Variants in PBOV1 observed in about 807,000 individuals in gnomAD.
PBOV1 encodes the protein prostate and breast cancer overexpressed 1, also known as prostate and breast cancer overexpressed gene 1 protein.
For synonymous variants in PBOV1, 46 were observed against 55.9 expected (o/e 0.82, Z 0.79); for missense variants, 147 against 151.4 (o/e 0.97, Z 0.15).
chr6:138,217,060 A>G lies in PBOV1; in HGVS notation c.*928T>C, dbSNP rs1416319496. ...AGATGGTAAAAATATATGAAAAAGT[A>G]ATGAACAAACATTGAAAGCCTGGAG... On this transcript the variant is annotated 3_prime_UTR_variant, in exon 1 of 1. Transcript: ENST00000527246. 2.0e-5 allele frequency: 3 copies of G among 152,268 alleles called. No homozygotes were observed. The highest frequency in any genetic ancestry group is 4.4e-5 in the Non-Finnish European group (3 of 68,046). 9.4% of individuals were successfully genotyped at this position (152,268 alleles called of 1,614,324 possible). A position where few individuals can be genotyped will look rare whatever the true frequency, so the allele number is the denominator to read the frequency against.
the PBOV1 span, chr6:138,218,227 CT>C: frequency 6.2e-7 from 1 of 1,613,684 alleles, no homozygotes; most frequent in African/African-American, 1.3e-5. Context: ...TTTACTTTTT[CT>C]TTTTTTCGAA....
Position 138,218,477 on chromosome 6 carries a change from G to A in PBOV1, c.-82C>T, listed in dbSNP as rs900271614. The stretch of plus-strand genomic sequence containing the variant: ...TTATTATACATCAATTAGCCACCTC[G>A]ATATATTTAAGGTCCTAACCATCAG... On this transcript the variant is annotated 5_prime_UTR_variant, in exon 1 of 1. Transcript: ENST00000527246. 7.9e-5 allele frequency: 115 copies of A among 1,455,206 alleles called. No individual in the cohort carries two copies. Among genetic ancestry groups the A allele is most frequent in the African/African-American group, 2.9e-4 (20 of 69,744 alleles). 90.1% of individuals were successfully genotyped at this position (1,455,206 alleles called of 1,614,324 possible).
chr6:138,218,432 TAGA>T lies in PBOV1; in HGVS notation c.-40_-38del. 6.7e-7 allele frequency: 1 copy of T among 1,487,910 alleles called. No homozygotes were observed. The highest frequency in any genetic ancestry group is 8.9e-7 in the Non-Finnish European group (1 of 1,120,914). The allele number at this position is 1,487,910 out of a possible 1,614,324, so 92.2% of individuals were successfully genotyped here. A position where few individuals can be genotyped will look rare whatever the true frequency, so the allele number is the denominator to read the frequency against. On this transcript the variant is annotated 5_prime_UTR_variant, in exon 1 of 1. Transcript: ENST00000527246. ...TAAATTGAATTGTAGCTCTGTAGCA[TAGA>T]AGAATAATTTTGTAAATTATTATAC...
rs1777884430 is a variant in PBOV1 at position 138,217,220 on chromosome 6, A to C, written c.*768T>G. 6.6e-6 allele frequency: 1 copy of C among 152,276 alleles called. No individual in the cohort carries two copies. Among genetic ancestry groups the C allele is most frequent in the South Asian group, 2.1e-4 (1 of 4,836 alleles). 9.4% of individuals were successfully genotyped at this position (152,276 alleles called of 1,614,324 possible). ...CAAAATCACTCTACTAAGTGTCTTTAAACTTTTCTCACATAATCTTAATTT... is the reference window on the plus strand; with the variant it reads ...CAAAATCACTCTACTAAGTGTCTTTCAACTTTTCTCACATAATCTTAATTT... On this transcript the variant is annotated 3_prime_UTR_variant, in exon 1 of 1. Transcript: ENST00000527246.
chr6:138,217,267 C>G lies in PBOV1; in HGVS notation c.*721G>C, dbSNP rs987252968. On this transcript the variant is annotated 3_prime_UTR_variant, in exon 1 of 1. Coordinates refer to ENST00000527246, the MANE Select transcript of PBOV1 (RefSeq NM_021635.3). ...ATTTAAGCGCATATAAATGCAGAGG[C>G]CCTCATCACTTACTCTGGATGTTCT... 3 of 152,146 alleles carry G rather than the reference C, an allele frequency of 2.0e-5. No homozygotes were observed. The highest frequency in any genetic ancestry group is 4.4e-5 in the Non-Finnish European group (3 of 68,022). 9.4% of individuals were successfully genotyped at this position (152,146 alleles called of 1,614,324 possible).
Position 138,217,799 on chromosome 6 carries a change from T to C in PBOV1, c.*189A>G, listed in dbSNP as rs1777899160. The C allele has an allele frequency of 1.2e-6, 1 of 815,758 alleles. No individual in the cohort carries two copies. The highest frequency in any genetic ancestry group is 1.7e-5 in the African/African-American group (1 of 57,880). 50.5% of individuals were successfully genotyped at this position (815,758 alleles called of 1,614,324 possible). On this transcript the variant is annotated 3_prime_UTR_variant, in exon 1 of 1. Coordinates refer to ENST00000527246, the MANE Select transcript of PBOV1 (RefSeq NM_021635.3). ...AGATAATAATCTATGAGTTCAAGATTGAGAAAGATCAACATGGGTTTGTAT... is the reference window on the plus strand; with the variant it reads ...AGATAATAATCTATGAGTTCAAGATCGAGAAAGATCAACATGGGTTTGTAT...
At position 138,218,047 on chromosome 6, in the gene PBOV1, G is replaced by A. The variant is rs768752233; in HGVS notation, c.349C>T (p.Leu117=). Residue 117 remains leucine, a synonymous_variant, in exon 1 of 1, where the codon CTA becomes TTA. Coordinates refer to ENST00000527246, the MANE Select transcript of PBOV1 (RefSeq NM_021635.3). ...TAGAGAAGACAGCATTCCAGACCTA[G>A]GGTCTGAGTTAACTGCAAAGTCAAT... ...FTLTLQLTQT[L]GLECCLLYLS... is the part of the protein sequence containing the mutation. 1 of 1,581,686 alleles carries A rather than the reference G, an allele frequency of 6.3e-7. No homozygotes were observed. The highest frequency in any genetic ancestry group is 8.5e-7 in the Non-Finnish European group (1 of 1,170,350).
In PBOV1 at chr6:138,218,051, C is replaced by T; in HGVS notation, c.345G>A (p.Gln115=). The T allele has an allele frequency of 1.2e-6, 2 of 1,613,240 alleles. No individual in the cohort carries two copies. The highest frequency in any genetic ancestry group is 1.7e-6 in the Non-Finnish European group (2 of 1,179,588). Reference sequence around the variant, plus strand: ...GAAGACAGCATTCCAGACCTAGGGTCTGAGTTAACTGCAAAGTCAATGTGA... The same window carrying T: ...GAAGACAGCATTCCAGACCTAGGGTTTGAGTTAACTGCAAAGTCAATGTGA... ...ILFTLTLQLT[Q]TLGLECCLLY... The change falls in exon 1 of 1, where the codon CAG becomes CAA. Residue 115 remains glutamine, a synonymous_variant. Coordinates refer to ENST00000527246, the MANE Select transcript of PBOV1 (RefSeq NM_021635.3).
At position 138,217,769 on chromosome 6, in the gene PBOV1, A is replaced by G. The variant is rs1290066248; in HGVS notation, c.*219T>C. On this transcript the variant is annotated 3_prime_UTR_variant, in exon 1 of 1. Transcript: ENST00000527246. ...AGGATAAATAACAAACTAAATTGAGATAATAGATAATAATCTATGAGTTCA... is the reference window on the plus strand; with the variant it reads ...AGGATAAATAACAAACTAAATTGAGGTAATAGATAATAATCTATGAGTTCA... 8.4e-6 allele frequency: 5 copies of G among 597,036 alleles called. No homozygotes were observed. 37.0% of individuals were successfully genotyped at this position (597,036 alleles called of 1,614,324 possible). A position where few individuals can be genotyped will look rare whatever the true frequency, so the allele number is the denominator to read the frequency against.
In PBOV1 at chr6:138,218,396, A is replaced by G. The variant is rs1777915820; in HGVS notation, c.-1T>C. On this transcript the variant is annotated 5_prime_UTR_variant, in exon 1 of 1. Transcript: ENST00000527246. ...TCTGGTTCCTTAAGAAGGCCCTCAT[A>G]TTTACTACTGTAAATTGAATTGTAG... 6.5e-7 allele frequency: 1 copy of G among 1,531,092 alleles called. No individual in the cohort carries two copies. The highest frequency in any genetic ancestry group is 1.4e-5 in the African/African-American group (1 of 71,878). 94.8% of individuals were successfully genotyped at this position (1,531,092 alleles called of 1,614,324 possible).
At position 138,217,910 on chromosome 6, in the gene PBOV1, T is replaced by G; in HGVS notation, c.*78A>C. 1 of 1,502,838 alleles carries G rather than the reference T, an allele frequency of 6.7e-7. No individual in the cohort carries two copies. The highest frequency in any genetic ancestry group is 8.9e-7 in the Non-Finnish European group (1 of 1,121,584). 93.1% of individuals were successfully genotyped at this position (1,502,838 alleles called of 1,614,324 possible). On this transcript the variant is annotated 3_prime_UTR_variant, in exon 1 of 1. Transcript: ENST00000527246. Reference sequence around the variant, plus strand: ...AATGGTTCAGTTACTTGGCTGGGCTTAAACAGTCATTGGTAGCAGAATTGC... The same window carrying G: ...AATGGTTCAGTTACTTGGCTGGGCTGAAACAGTCATTGGTAGCAGAATTGC...
Position 138,216,580 on chromosome 6 carries a change from G to A in PBOV1, c.*1408C>T, listed in dbSNP as rs935563885. On this transcript the variant is annotated 3_prime_UTR_variant, in exon 1 of 1. Coordinates refer to ENST00000527246, the MANE Select transcript of PBOV1 (RefSeq NM_021635.3). ...GTTTCTTCAGATGGTTAGTTTTGAT[G>A]TTCTTAACTCGGGGCATTTGGTCTT... 1 of 152,192 alleles carries A rather than the reference G, an allele frequency of 6.6e-6. No individual in the cohort carries two copies. Among genetic ancestry groups the A allele is most frequent in the African/African-American group, 2.4e-5 (1 of 41,448 alleles). 9.4% of individuals were successfully genotyped at this position (152,192 alleles called of 1,614,324 possible). A position where few individuals can be genotyped will look rare whatever the true frequency, so the allele number is the denominator to read the frequency against.
chr6:138,218,220 A>G lies in PBOV1; in HGVS notation c.176T>C (p.Val59Ala), dbSNP rs1777910821. The change falls in exon 1 of 1, where the codon GTA (valine) becomes GCA (alanine). Residue 59 changes from valine to alanine, a missense_variant. Val to Ala is a moderately conservative substitution (Grantham distance 64, BLOSUM62 0). Coordinates refer to ENST00000527246, the MANE Select transcript of PBOV1 (RefSeq NM_021635.3). ...CYKVFRKKEK[V>A]KRSQKATEFI... ...CTCTGTTGCCTTTTGACTTCTTTTT[A>G]CTTTTTCTTTTTTTCGAAATACCTT... 6.2e-7 allele frequency: 1 copy of G among 1,613,606 alleles called. No individual in the cohort carries two copies. Among genetic ancestry groups the G allele is most frequent in the African/African-American group, 1.3e-5 (1 of 74,866 alleles).
In PBOV1 at chr6:138,217,125, G is replaced by C. The variant is rs1319632999; in HGVS notation, c.*863C>G. 1 of 152,222 alleles carries C rather than the reference G, an allele frequency of 6.6e-6. No individual in the cohort carries two copies. The highest frequency in any genetic ancestry group is 1.9e-4 in the East Asian group (1 of 5,202). The allele number at this position is 152,222 out of a possible 1,614,324, so 9.4% of individuals were successfully genotyped here. On this transcript the variant is annotated 3_prime_UTR_variant, in exon 1 of 1. Transcript: ENST00000527246. ...TAAATAGTTTATGCATTATTTTTGA[G>C]ATGGAGATTTTCATATTATCTATTA...
Position 138,217,649 on chromosome 6 carries a change from G to A in PBOV1, c.*339C>T, listed in dbSNP as rs1001295795. On this transcript the variant is annotated 3_prime_UTR_variant, in exon 1 of 1. Transcript: ENST00000527246. ...TGTTTTTATCCCTCTGGTGCCTAGC[G>A]GAGCATCTGGCACATGGCTTACTAA... 2.3e-5 allele frequency: 5 copies of A among 216,146 alleles called. No homozygotes were observed. The highest frequency in any genetic ancestry group is 1.2e-4 in the South Asian group (1 of 8,178). The allele number at this position is 216,146 out of a possible 1,614,324, so 13.4% of individuals were successfully genotyped here. A position where few individuals can be genotyped will look rare whatever the true frequency, so the allele number is the denominator to read the frequency against.
chr6:138,217,066 C>T lies in PBOV1; in HGVS notation c.*922G>A, dbSNP rs1467048360. 1 of 152,210 alleles carries T rather than the reference C, an allele frequency of 6.6e-6. No individual in the cohort carries two copies. 9.4% of individuals were successfully genotyped at this position (152,210 alleles called of 1,614,324 possible). A position where few individuals can be genotyped will look rare whatever the true frequency, so the allele number is the denominator to read the frequency against. Reference sequence around the variant, plus strand: ...TAAAAATATATGAAAAAGTAATGAACAAACATTGAAAGCCTGGAGATGTGA... The same window carrying T: ...TAAAAATATATGAAAAAGTAATGAATAAACATTGAAAGCCTGGAGATGTGA... On this transcript the variant is annotated 3_prime_UTR_variant, in exon 1 of 1. Coordinates refer to ENST00000527246, the MANE Select transcript of PBOV1 (RefSeq NM_021635.3).
rs756876603 is a variant in PBOV1 at position 138,218,122 on chromosome 6, C to G, written c.274G>C (p.Gly92Arg). The G allele has an allele frequency of 1.2e-6, 2 of 1,613,792 alleles. No homozygotes were observed. Among genetic ancestry groups the G allele is most frequent in the African/African-American group, 1.3e-5 (1 of 74,900 alleles). ...TPLQTHLTMK[G>R]SSMKCSSLSS... ...AATGAGGAACATTTCATTGAGGAACCTTTCATGGTCAAGTGTGTCTGCAAG... is the reference window on the plus strand; with the variant it reads ...AATGAGGAACATTTCATTGAGGAACGTTTCATGGTCAAGTGTGTCTGCAAG... Residue 92 changes from glycine to arginine, a missense_variant, in exon 1 of 1, where the codon GGT becomes CGT. Physicochemically the swap from Gly to Arg is moderately radical, Grantham distance 125 (BLOSUM62 -2). Transcript: ENST00000527246.
Position 138,218,033 on chromosome 6 carries a change from G to C in PBOV1, c.363C>G (p.Cys121Trp). ...LQLTQTLGLECCLLYLSKTIH... is the reference protein window; with the variant it reads ...LQLTQTLGLEWCLLYLSKTIH... ...TAGTTTTGGATAAGTAGAGAAGACA[G>C]CATTCCAGACCTAGGGTCTGAGTTA... Residue 121 changes from cysteine to tryptophan, a missense_variant, in exon 1 of 1, where the codon TGC (cysteine) becomes TGG (tryptophan). By Grantham distance (215) the Cys-to-Trp change is radical. Transcript: ENST00000527246. 6.2e-7 allele frequency: 1 copy of C among 1,610,998 alleles called. No individual in the cohort carries two copies. Among genetic ancestry groups the C allele is most frequent in the Non-Finnish European group, 8.5e-7 (1 of 1,179,282 alleles).
chr6:138,217,252 A>G lies in PBOV1; in HGVS notation c.*736T>C, dbSNP rs537134724. The G allele has an allele frequency of 2.6e-5, 4 of 152,342 alleles. No homozygotes were observed. In the East Asian group the frequency reaches 7.7e-4, roughly 29 times the overall value. The allele number at this position is 152,342 out of a possible 1,614,324, so 9.4% of individuals were successfully genotyped here. A position where few individuals can be genotyped will look rare whatever the true frequency, so the allele number is the denominator to read the frequency against. The stretch of plus-strand genomic sequence containing the variant: ...TCTCACATAATCTTAATTTAAGCGC[A>G]TATAAATGCAGAGGCCCTCATCACT... On this transcript the variant is annotated 3_prime_UTR_variant, in exon 1 of 1. Transcript: ENST00000527246.
Sources: gnomAD v4.1 joint callset for allele counts on GRCh38, gnomAD v4.1.1 for gene constraint, MANE v1.5 for transcripts, NCBI Gene and HGNC (gene_info 2026-07-23, HGNC 2026-07-21) for gene names.